WDR19: variants seen among roughly 807,000 people sequenced by gnomAD.
The protein encoded by WDR19 is WD repeat-containing protein 19.
WDR19 carries 121 observed loss-of-function variants against 180.0 expected under a neutral mutation model. The observed-to-expected ratio is 0.67, with a 90% confidence interval of 0.58 to 0.78. The LOEUF is 0.78. Among genes scored for constraint, WDR19 ranks in the 30% least tolerant of loss-of-function variants. The probability of loss-of-function intolerance (pLI) is 0.00; values close to 1 mark genes in which losing one functional copy is unlikely to be tolerated. For synonymous variants in WDR19, 497 were observed against 540.7 expected, an observed-to-expected ratio of 0.92 and a Z score of 1.12; for missense variants, 1,450 against 1,640.7, an observed-to-expected ratio of 0.88 and a Z score of 2.01.
chr4:39,273,087 A>C (rs758518985), intron 32 of WDR19, 26 bp downstream of exon 32: 19 of 1,566,368 alleles, frequency 1.2e-5, no homozygotes, highest in African/African-American at 2.7e-5. Flanking sequence ...CAGAGCTCTC[A>C]CCCATGCCCC....
chr4:39,278,481 C>G, intron 35 of WDR19, 58 bp from the exon 36 acceptor site: 1 of 1,400,132 alleles, frequency 7.1e-7, no homozygotes, highest in African/African-American at 1.4e-5. Flanking sequence ...TTAGAGTAAC[C>G]CAAAGCTAAA....
At chr4:39,196,376 C>G (rs1329030456) in intron 5 of WDR19, among the ~76,000 whole-genome samples, 1 of 152,168 alleles carries the variant, frequency 6.6e-6, no homozygotes, top group Admixed American at 6.5e-5. Context: ...TTAGTATCTC[C>G]AAAACCTTCT....
intron 31 of WDR19, among the ~76,000 whole-genome samples, chr4:39,271,277 T>A (rs1203032795): frequency 6.6e-6 from 1 of 152,260 alleles, no homozygotes; most frequent in East Asian, 1.9e-4. Context: ...ATATATTCTT[T>A]GTACTTCTAT....
At position 39,240,321 on chromosome 4, in the gene WDR19, C is replaced by T; in HGVS notation, c.2408C>T (p.Thr803Ile). 1 of 1,427,892 alleles carries T rather than the reference C, an allele frequency of 7.0e-7. No homozygotes were observed. The highest frequency in any genetic ancestry group is 9.2e-7 in the Non-Finnish European group (1 of 1,087,002). The allele number at this position is 1,427,892 out of a possible 1,614,324, so 88.5% of individuals were successfully genotyped here. A position where few individuals can be genotyped will look rare whatever the true frequency, so the allele number is the denominator to read the frequency against. Residue 803 changes from threonine (T) to isoleucine (I), a missense_variant, in exon 21 of 37, where the codon ACA (threonine) becomes ATA (isoleucine). Physicochemically the swap from Thr to Ile is moderately conservative, Grantham distance 89. Transcript: ENST00000399820. ...NALAHYEKGI[T>I]GDNKEHDEAC... The stretch of plus-strand genomic sequence containing the variant: ...TTGGCTCATTATGAGAAAGGAATAA[C>T]AGGTGATAATAAGGTAACCTTGGAT...
intron 2 of WDR19, 94 bp downstream of exon 2, chr4:39,185,911 T>C: frequency 8.9e-7 from 1 of 1,126,634 alleles, no homozygotes; most frequent in Non-Finnish European, 1.2e-6. Context: ...TGTTTTTTTT[T>C]TTTAAATGGA....
rs748936645 is a variant in WDR19 at position 39,270,064 on chromosome 4, C to T, written c.3447C>T (p.Thr1149=). ...TCAAAATTCCCTCCGAGATGGCCAC[C>T]AACCTCATGATTCTGCACAGCTATA... ...QKIKIPSEMA[T]NLMILHSYIL... is the part of the protein sequence containing the mutation. Residue 1149 remains threonine, a synonymous_variant, in exon 31 of 37, where the codon ACC becomes ACT. Coordinates refer to ENST00000399820, the MANE Select transcript of WDR19 (RefSeq NM_025132.4). The T allele has an allele frequency of 1.2e-6, 2 of 1,613,838 alleles. No individual in the cohort carries two copies. The highest frequency in any genetic ancestry group is 2.2e-5 in the East Asian group (1 of 44,880).
intron 10 of WDR19, 44 bp downstream of exon 10, chr4:39,214,715 T>C: frequency 5.0e-6 from 6 of 1,209,604 alleles, no homozygotes; most frequent in Admixed American, 1.8e-5. Flanking sequence ...TCATTCCAGT[T>C]ACAGAGAGTA....
chr4:39,193,442 G>A (rs1726381073), intron 4 of WDR19, among the ~76,000 whole-genome samples: 1 of 152,116 alleles, frequency 6.6e-6, no homozygotes, highest in African/African-American at 2.4e-5. Context: ...ACAGGCGTGA[G>A]TCACCATGCC....
intron 1 of WDR19, among the ~76,000 whole-genome samples, chr4:39,183,773 T>A (rs1725224652): frequency 6.6e-6 from 1 of 152,232 alleles, no homozygotes; most frequent in Non-Finnish European, 1.5e-5. Flanking sequence ...CTACAGCTAA[T>A]AAGCTACAAA....
chr4:39,184,790 A>G (rs1434895568), intron 1 of WDR19, among the ~76,000 whole-genome samples: 2 of 152,202 alleles, frequency 1.3e-5, no homozygotes, highest in African/African-American at 2.4e-5. Flanking sequence ...TGTTTAATCT[A>G]TAATTTAACC....
chr4:39,259,571 T>A (rs1032431210), intron 28 of WDR19, among the ~76,000 whole-genome samples: 18 of 152,238 alleles, frequency 1.2e-4, no homozygotes, highest in African/African-American at 4.3e-4. Context: ...TTGTAGCATG[T>A]GTCAAGAATT....
chr4:39,218,295 T>C (rs1397369888), intron 14 of WDR19, 190 bp downstream of exon 14: 3 of 745,036 alleles, frequency 4.0e-6, no homozygotes, highest in South Asian at 2.0e-5. Context: ...AAACGTGTCA[T>C]TGGGCAATTT....
chr4:39,254,366 G>A (rs1203394683), intron 26 of WDR19, among the ~76,000 whole-genome samples: 5 of 152,180 alleles, frequency 3.3e-5, no homozygotes, highest in African/African-American at 4.8e-5. Flanking sequence ...AATGCAAGAT[G>A]ATTTTTGAAA....
rs199520609 is a variant in WDR19, at chr4:39,224,866, A to T, written c.1480-18A>T. ...CTACCTTTTATATTTTCATGGCTGG[A>T]TTTTTTTTTTTTTTTAGACTGGTGT... On this transcript the variant is annotated intron_variant, in intron 14 of 36. Coordinates refer to ENST00000399820, the MANE Select transcript of WDR19 (RefSeq NM_025132.4). 3.8e-6 allele frequency: 5 copies of T among 1,300,916 alleles called. No homozygotes were observed. The highest frequency in any genetic ancestry group is 5.6e-5 in the East Asian group (2 of 35,478). 80.6% of individuals were successfully genotyped at this position (1,300,916 alleles called of 1,614,324 possible).
At chr4:39,233,393 C>T (rs1044631728) in intron 19 of WDR19, among the ~76,000 whole-genome samples, 3 of 152,142 alleles carry the variant, frequency 2.0e-5, no homozygotes, top group African/African-American at 7.2e-5. Context: ...TGTTATTTAA[C>T]CTTTCTGAAC....
At chr4:39,211,609 A>G (rs953846367) in intron 9 of WDR19, among the ~76,000 whole-genome samples, 108 of 152,240 alleles carry the variant, frequency 7.1e-4, no homozygotes, top group African/African-American at 2.5e-3. Context: ...TCACATTTCT[A>G]TATACTAACA....
At chr4:39,203,575 C>G (rs531910395) in intron 6 of WDR19, 67 bp from the exon 7 acceptor site, 1 of 1,304,754 alleles carries the variant, frequency 7.7e-7, no homozygotes, top group African/African-American at 1.5e-5. Context: ...GTTATCCATT[C>G]TATTAATATT....
chr4:39,205,571 A>G lies in WDR19; in HGVS notation c.725A>G (p.Asp242Gly). ...TGCCTTCTTTGCTATAGGTATGGTG[A>G]TGGCCGCATCATGATTGGTTTTTCA... Reference protein sequence around the residue: ...GNIVCYNWYGDGRIMIGFSCG... With the variant: ...GNIVCYNWYGGGRIMIGFSCG... The change falls in exon 9 of 37, where the codon GAT becomes GGT. Residue 242 changes from aspartate (D) to glycine (G), a missense_variant. Transcript: ENST00000399820. 1 of 1,613,154 alleles carries G rather than the reference A, an allele frequency of 6.2e-7. No homozygotes were observed. The highest frequency in any genetic ancestry group is 8.5e-7 in the Non-Finnish European group (1 of 1,179,518).
At chr4:39,255,760 C>T in intron 26 of WDR19, 88 bp from the exon 27 acceptor site, 2 of 593,898 alleles carry the variant, frequency 3.4e-6, no homozygotes, top group East Asian at 3.0e-5. Context: ...AGTTTTTAAT[C>T]ACCTATTTTT....
Sources: allele counts gnomAD v4.1 joint callset (sites outside exome capture counted in the v4.1 genomes callset), GRCh38; gene constraint gnomAD v4.1.1; transcripts MANE v1.5; gene names NCBI Gene and HGNC (gene_info 2026-07-23, HGNC 2026-07-21).